EGFR: variants seen among roughly 807,000 people sequenced by gnomAD.
EGFR encodes avian erythroblastic leukemia viral (v-erb-b) oncogene homolog.
In EGFR, 58 loss-of-function variants were observed where a neutral mutation model predicts 143.0. The observed-to-expected ratio is 0.41, with a 90% CI of 0.33 to 0.50. The LOEUF is 0.50. Ranked by LOEUF, EGFR falls within the 20% of genes least tolerant of loss-of-function variation. The probability of loss-of-function intolerance (pLI) is 0.39; values close to 1 mark genes in which losing one functional copy is unlikely to be tolerated. For synonymous variants in EGFR, 613 were observed against 594.4 expected (o/e 1.03, Z -0.45); for missense variants, 1,307 against 1,579.0 (o/e 0.83, Z 2.92).
intron 1 of EGFR, among the ~76,000 whole-genome samples, chr7:55,063,977 A>C (rs12669701): frequency 6.6e-6 from 1 of 152,092 alleles, no homozygotes; most frequent in Non-Finnish European, 1.5e-5. Flanking sequence ...AAATCTAATT[A>C]AAAAAATTAT....
intron 15 of EGFR, among the ~76,000 whole-genome samples, chr7:55,168,955 T>G (rs933140278): frequency 1.3e-5 from 2 of 152,130 alleles, no homozygotes; most frequent in Non-Finnish European, 2.9e-5. Flanking sequence ...AAGAAACACT[T>G]ACAGGGGTTT....
At chr7:55,121,123 G>C (rs1248606204) in intron 1 of EGFR, among the ~76,000 whole-genome samples, 1 of 152,190 alleles carries the variant, frequency 6.6e-6, no homozygotes, top group East Asian at 1.9e-4. Flanking sequence ...CAGGGATGAA[G>C]TCTCCAATTT....
chr7:55,168,812 GC>G (rs1786199920), intron 15 of EGFR, among the ~76,000 whole-genome samples: 1 of 152,132 alleles, frequency 6.6e-6, no homozygotes, highest in Non-Finnish European at 1.5e-5. Flanking sequence ...TTAAAATACG[GC>G]CAAGTGTTGA....
chr7:55,075,993 T>A (rs1339160498), intron 1 of EGFR, among the ~76,000 whole-genome samples: 1 of 152,210 alleles, frequency 6.6e-6, no homozygotes, highest in East Asian at 1.9e-4. Context: ...TGTCCAAGCC[T>A]GTTTACCTCA....
chr7:55,179,443 G>A lies in EGFR; in HGVS notation c.2284-1850G>A, dbSNP rs1367589350. 2.0e-5 allele frequency among the ~76,000 whole-genome samples: 3 copies of A among 152,218 alleles called. No homozygotes were observed. The East Asian group carries it at 5.8e-4, about 29-fold the overall frequency. On this transcript the variant is annotated intron_variant, in intron 19 of 27. Transcript: ENST00000275493. ...TCATTTAGATTGAAGAGTCGAGGAAGGCTCCTCTGAGAAAGAGTCTGCTAA... is the reference window on the plus strand; with the variant it reads ...TCATTTAGATTGAAGAGTCGAGGAAAGCTCCTCTGAGAAAGAGTCTGCTAA...
chr7:55,203,477 C>CACAT (rs1344008107), intron 27 of EGFR, among the ~76,000 whole-genome samples: 2 of 144,956 alleles, frequency 1.4e-5, no homozygotes, highest in African/African-American at 5.3e-5. Context: ...ACACACACCA[C>CACAT]ACATACATAC....
intron 23 of EGFR, 62 bp from the exon 24 acceptor site, chr7:55,200,254 T>A: frequency 6.8e-7 from 1 of 1,478,470 alleles, no homozygotes; most frequent in Non-Finnish European, 9.5e-7. Flanking sequence ...CTTTAAGCAA[T>A]GCCATCTTTA....
intron 1 of EGFR, among the ~76,000 whole-genome samples, chr7:55,063,717 C>T (rs141975308): frequency 4.7e-4 from 72 of 152,160 alleles, no homozygotes; most frequent in Non-Finnish European, 9.3e-4. Flanking sequence ...GTCTGCACCT[C>T]GAGAGGAGTG....
intron 13 of EGFR, 97 bp downstream of exon 13, chr7:55,161,728 C>T: frequency 1.3e-6 from 2 of 1,594,180 alleles, no homozygotes; most frequent in Non-Finnish European, 1.7e-6. Flanking sequence ...TTTTCTCTTC[C>T]TTTTATTCTT....
chr7:55,164,536 G>A (rs1785871170), intron 14 of EGFR, among the ~76,000 whole-genome samples: 1 of 152,186 alleles, frequency 6.6e-6, no homozygotes, highest in Non-Finnish European at 1.5e-5. Flanking sequence ...GGTTTGCATG[G>A]TGTTGGGTTA....
intron 1 of EGFR, among the ~76,000 whole-genome samples, chr7:55,111,646 G>A (rs1435266768): frequency 6.6e-6 from 1 of 152,166 alleles, no homozygotes; most frequent in Non-Finnish European, 1.5e-5. Flanking sequence ...GGGAGTGAGT[G>A]GGCTCAGTTA....
intron 1 of EGFR, among the ~76,000 whole-genome samples, chr7:55,054,201 C>A (rs1440162272): frequency 1.3e-5 from 2 of 152,228 alleles, no homozygotes; most frequent in Non-Finnish European, 2.9e-5. Flanking sequence ...CCTGGCACTG[C>A]ACGCTTCGCT....
At chr7:55,068,246 A>G (rs1789631151) in intron 1 of EGFR, among the ~76,000 whole-genome samples, 1 of 152,122 alleles carries the variant, frequency 6.6e-6, no homozygotes, top group African/African-American at 2.4e-5. Flanking sequence ...CAAAATCCTC[A>G]ATCCTCACCA....
At chr7:55,161,924 T>C (rs1374844472) in intron 13 of EGFR, among the ~76,000 whole-genome samples, 2 of 152,250 alleles carry the variant, frequency 1.3e-5, no homozygotes, top group Non-Finnish European at 2.9e-5. Context: ...AAAAAGTTCC[T>C]AAGACAAATG....
At position 55,019,263 on chromosome 7, in the gene EGFR, CT is replaced by C; in HGVS notation, c.-13del. ...TTGATCGGGAGAGCCGGAGCGAGCT[CT>C]TCGGGGAGCAGCGATGCGACCCTCC... On this transcript the variant is annotated 5_prime_UTR_variant, in exon 1 of 28. Coordinates refer to ENST00000275493, the MANE Select transcript of EGFR (RefSeq NM_005228.5). 2 of 1,488,774 alleles carry C rather than the reference CT, an allele frequency of 1.3e-6. No individual in the cohort carries two copies. The highest frequency in any genetic ancestry group is 1.8e-6 in the Non-Finnish European group (2 of 1,113,368). The allele number at this position is 1,488,774 out of a possible 1,614,324, so 92.2% of individuals were successfully genotyped here.
In EGFR at chr7:55,149,174, A is replaced by T. The variant is rs115646638; in HGVS notation, c.560-2120A>T. Reference sequence around the variant, plus strand: ...CTGACATCATAAAAGAAAACTTTCAAGTAAAATATGTTAATGGCTACCAGG... The same window carrying T: ...CTGACATCATAAAAGAAAACTTTCATGTAAAATATGTTAATGGCTACCAGG... On this transcript the variant is annotated intron_variant, in intron 4 of 27. Coordinates refer to ENST00000275493, the MANE Select transcript of EGFR (RefSeq NM_005228.5). Among the ~76,000 whole-genome samples, 574 of 152,348 alleles carry T rather than the reference A, an allele frequency of 3.8e-3. 4 individuals are homozygous for T. Among genetic ancestry groups the T allele is most frequent in the African/African-American group, 0.011 (438 of 41,588 alleles).
intron 1 of EGFR, among the ~76,000 whole-genome samples, chr7:55,127,237 C>T (rs1285656514): frequency 6.6e-6 from 1 of 152,144 alleles, no homozygotes; most frequent in Non-Finnish European, 1.5e-5. Flanking sequence ...AATTCTGTCA[C>T]AAAGATCTGG....
intron 19 of EGFR, chr7:55,181,066 A>C: frequency 1.7e-6 from 1 of 604,872 alleles, no homozygotes; most frequent in Non-Finnish European, 2.9e-6. Context: ...TGTCATGGGG[A>C]ATCCCCAGAT....
intron 1 of EGFR, among the ~76,000 whole-genome samples, chr7:55,062,245 T>G (rs1789228640): frequency 6.6e-6 from 1 of 152,130 alleles, no homozygotes; most frequent in African/African-American, 2.4e-5. Context: ...ATTTCTGAAT[T>G]AAAATTAGTC....
Sources: allele counts gnomAD v4.1 joint callset (sites outside exome capture counted in the v4.1 genomes callset), GRCh38; gene constraint gnomAD v4.1.1; transcripts MANE v1.5; gene names NCBI Gene and HGNC (gene_info 2026-07-23, HGNC 2026-07-21).